The following MROH2B variants were observed in gnomAD, a reference collection of about 807,000 sequenced individuals.
MROH2B encodes the protein maestro heat-like repeat-containing protein family member 2B.
A neutral mutation model predicts 208.6 loss-of-function variants in MROH2B; 177 were observed. That is an observed-to-expected ratio of 0.85 (90% CI 0.75 to 0.96). MROH2B has a LOEUF of 0.96. Among genes scored for constraint, MROH2B ranks in the 40% least tolerant of loss-of-function variants. The pLI is 0.00. For synonymous variants in MROH2B, 728 were observed against 659.0 expected (o/e 1.10, Z -1.60); for missense variants, 2,002 against 1,878.7 (o/e 1.07, Z -1.21).
intron 18 of MROH2B, among the ~76,000 whole-genome samples, chr5:41,042,689 C>A (rs767839356): frequency 2.0e-5 from 3 of 152,190 alleles, no homozygotes; most frequent in Non-Finnish European, 2.9e-5. Flanking sequence ...ACTGCAACCT[C>A]TGCCTCCTGG....
intron 28 of MROH2B, 112 bp from the exon 29 acceptor site, chr5:41,015,590 G>A: frequency 1.2e-6 from 1 of 869,514 alleles, no homozygotes; most frequent in Non-Finnish European, 1.8e-6. Flanking sequence ...ATGAGATGGT[G>A]AACATAAGCG....
chr5:41,009,218 G>T (rs559827376), intron 32 of MROH2B, 62 bp downstream of exon 32: 1 of 1,595,948 alleles, frequency 6.3e-7, no homozygotes, highest in Non-Finnish European at 8.6e-7. Context: ...GCTCCAGGTG[G>T]GGATAGATCA....
At chr5:40,998,226 G>A in intron 41 of MROH2B, 68 bp from the exon 42 acceptor site, 3 of 1,322,324 alleles carry the variant, frequency 2.3e-6, no homozygotes, top group Non-Finnish European at 3.2e-6. Flanking sequence ...GGCAAACCAA[G>A]CCAAGGCCCA....
intron 15 of MROH2B, 102 bp from the exon 16 acceptor site, chr5:41,048,567 T>C (rs1210308756): frequency 2.4e-6 from 3 of 1,254,812 alleles, no homozygotes; most frequent in Non-Finnish European, 2.1e-6. Context: ...GATTTCTGCA[T>C]TGGATAATCT....
At position 41,048,390 on chromosome 5, in the gene MROH2B, T is replaced by C; in HGVS notation, c.1618A>G (p.Ile540Val). 6.2e-7 allele frequency: 1 copy of C among 1,613,736 alleles called. No homozygotes were observed. Among genetic ancestry groups the C allele is most frequent in the East Asian group, 2.2e-5 (1 of 44,876 alleles). ...AIGLLKILPE[I>V]IHPKLVDLWK... ...AGGTCTACCAATTTTGGGTGAATTATCTCAGGCAGTATCTTCAAAAGCCCT... is the reference window on the plus strand; with the variant it reads ...AGGTCTACCAATTTTGGGTGAATTACCTCAGGCAGTATCTTCAAAAGCCCT... The change falls in exon 16 of 42, where the codon ATA becomes GTA. Residue 540 changes from isoleucine (I) to valine (V), a missense_variant. Physicochemically the swap from Ile to Val is conservative, Grantham distance 29 (BLOSUM62 3). Coordinates refer to ENST00000399564, the MANE Select transcript of MROH2B (RefSeq NM_173489.5).
chr5:41,054,757 A>G lies in MROH2B; in HGVS notation c.1107+10T>C. The G allele has an allele frequency of 6.3e-7, 1 of 1,592,170 alleles. No homozygotes were observed. The highest frequency in any genetic ancestry group is 1.1e-5 in the South Asian group (1 of 87,584). On this transcript the variant is annotated intron_variant, in intron 11 of 41. Coordinates refer to ENST00000399564, the MANE Select transcript of MROH2B (RefSeq NM_173489.5). Reference sequence around the variant, plus strand: ...CTACCATCGACAAGAGTTTCTATTAATTCTCTTACTTTTGTACTGAGATCA... The same window carrying G: ...CTACCATCGACAAGAGTTTCTATTAGTTCTCTTACTTTTGTACTGAGATCA...
At position 41,026,684 on chromosome 5, in the gene MROH2B, C is replaced by T. The variant is rs990577064; in HGVS notation, c.2441+6058G>A. On this transcript the variant is annotated intron_variant, in intron 24 of 41. Transcript: ENST00000399564. ...CTTTCTTCATAGAATTGGGAAAAAG[C>T]TACTTTAAAGTTCATATGGAACCAA... Among the ~76,000 whole-genome samples the T allele has an allele frequency of 2.6e-5, 4 of 152,288 alleles. No individual in the cohort carries two copies. The East Asian group carries it at 7.7e-4, about 29-fold the overall frequency.
chr5:41,026,657 G>A (rs576838042), intron 24 of MROH2B, among the ~76,000 whole-genome samples: 1 of 152,146 alleles, frequency 6.6e-6, no homozygotes, highest in South Asian at 2.1e-4. Context: ...AGCTACCCAT[G>A]ACTTTCTTCA....
In MROH2B at chr5:41,070,880, G is replaced by T; in HGVS notation, c.-28C>A. 1 of 1,607,640 alleles carries T rather than the reference G, an allele frequency of 6.2e-7. No homozygotes were observed. The highest frequency in any genetic ancestry group is 8.5e-7 in the Non-Finnish European group (1 of 1,176,566). ...CTTGGCTGTTTCAGGGTCTCTAAAA[G>T]ATAGCACCTAAGTATTAGAAATAGT... is the stretch of plus-strand genomic sequence containing the variant. On this transcript the variant is annotated 5_prime_UTR_variant, in exon 1 of 42. Transcript: ENST00000399564.
In MROH2B at chr5:41,042,100, G is replaced by C; in HGVS notation, c.1945C>G (p.Gln649Glu). ...FLTAPNQLGD[Q>E]RQGITSILGY... Reference sequence around the variant, plus strand: ...AGAGCAAGGGGTCCCACCTGTCTTTGATCCCCCAGTTGGTTGGGAGCAGTC... The same window carrying C: ...AGAGCAAGGGGTCCCACCTGTCTTTCATCCCCCAGTTGGTTGGGAGCAGTC... Residue 649 changes from glutamine to glutamate, a missense_variant, in exon 19 of 42, where the codon CAA becomes GAA. Gln to Glu is a conservative substitution (Grantham distance 29, BLOSUM62 2). Coordinates refer to ENST00000399564, the MANE Select transcript of MROH2B (RefSeq NM_173489.5). 6.3e-7 allele frequency: 1 copy of C among 1,581,690 alleles called. No homozygotes were observed. Among genetic ancestry groups the C allele is most frequent in the Non-Finnish European group, 8.6e-7 (1 of 1,161,100 alleles).
Position 41,017,880 on chromosome 5 carries a change from T to G in MROH2B, c.2854A>C (p.Ser952Arg). The change falls in exon 28 of 42, where the codon AGC becomes CGC. Residue 952 changes from serine (S) to arginine (R), a missense_variant. Transcript: ENST00000399564. ...ATATAGAACAGACCAATAGTTGAGC[T>G]AGCAGCCGCCTGACGGATGGTGGGC... ...TLPTIRQAAA[S>R]STIGLFYIKG... 3.8e-6 allele frequency: 6 copies of G among 1,594,884 alleles called. No individual in the cohort carries two copies. Among genetic ancestry groups the G allele is most frequent in the Non-Finnish European group, 4.3e-6 (5 of 1,170,290 alleles).
intron 40 of MROH2B, 82 bp from the exon 41 acceptor site, chr5:40,998,759 C>T (rs1741291544): frequency 8.8e-7 from 1 of 1,138,462 alleles, no homozygotes; most frequent in South Asian, 1.4e-5. Flanking sequence ...GACTCTGCAC[C>T]TGGTGAGAAG....
At chr5:41,024,940 G>C (rs191727193) in intron 24 of MROH2B, among the ~76,000 whole-genome samples, 4 of 152,178 alleles carry the variant, frequency 2.6e-5, no homozygotes, top group Admixed American at 2.6e-4. Context: ...TGACTGCTGG[G>C]TACATAACGA....
At chr5:41,015,507 A>G in intron 28 of MROH2B, 29 bp from the exon 29 acceptor site, 1 of 1,603,696 alleles carries the variant, frequency 6.2e-7, no homozygotes, top group African/African-American at 1.3e-5. Flanking sequence ...GAAATGTTTA[A>G]GTGTTCAAAG....
At chr5:41,025,750 C>T (rs1189902649) in intron 24 of MROH2B, among the ~76,000 whole-genome samples, 1 of 152,160 alleles carries the variant, frequency 6.6e-6, no homozygotes, top group Non-Finnish European at 1.5e-5. Flanking sequence ...GAATTTTAGA[C>T]CAATATCCCT....
chr5:41,024,298 T>C (rs576417160), intron 24 of MROH2B, among the ~76,000 whole-genome samples: 14 of 152,190 alleles, frequency 9.2e-5, no homozygotes, highest in Non-Finnish European at 8.8e-5. Context: ...CCATCTCACA[T>C]GCAGAGACAC....
rs371022714 is a variant in MROH2B at position 41,045,808 on chromosome 5, T to C, written c.1774A>G (p.Ile592Val). The change falls in exon 18 of 42, where the codon ATT (isoleucine) becomes GTT (valine). Residue 592 changes from isoleucine to valine, a missense_variant. By Grantham distance (29) the Ile-to-Val change is conservative (BLOSUM62 3). Coordinates refer to ENST00000399564, the MANE Select transcript of MROH2B (RefSeq NM_173489.5). ...TGTTTGAAATCCTGAGTCAGCTGAA[T>C]GGTCCAGGCCACATCACTGATCTTC... The part of the protein sequence containing the change: ...LWKISDVAWT[I>V]QLTQDFKQQM... 2.2e-5 allele frequency: 35 copies of C among 1,613,616 alleles called. No individual in the cohort carries two copies. In the East Asian group the frequency reaches 2.2e-4, roughly 10 times the overall value.
At chr5:41,014,396 A>C (rs964283770) in intron 29 of MROH2B, among the ~76,000 whole-genome samples, 2 of 152,140 alleles carry the variant, frequency 1.3e-5, no homozygotes, top group Admixed American at 6.5e-5. Flanking sequence ...ATGAGAACAC[A>C]TGGACACAGG....
chr5:41,044,249 C>CAA (rs35282921), intron 18 of MROH2B, among the ~76,000 whole-genome samples: 26 of 129,206 alleles, frequency 2.0e-4, no homozygotes, highest in Admixed American at 9.5e-4. Context: ...GACTCCATCT[C>CAA]AAAAAAAAAA....
Sources: gnomAD v4.1 joint callset for allele counts (sites outside exome capture counted in the v4.1 genomes callset) on GRCh38, gnomAD v4.1.1 for gene constraint, MANE v1.5 for transcripts, NCBI Gene and HGNC (gene_info 2026-07-23, HGNC 2026-07-21) for gene names.